The following ST3GAL6 variants were observed in gnomAD, a reference collection of about 807,000 sequenced individuals.
ST3GAL6 encodes the protein ST3 beta-galactoside alpha-2,3-sialyltransferase 6.
In ST3GAL6, 31 loss-of-function variants were observed where a neutral mutation model predicts 40.5. That is an observed-to-expected ratio of 0.77 (90% CI 0.58 to 1.03). ST3GAL6 has a LOEUF of 1.03. Ranked by LOEUF, ST3GAL6 falls within the 50% of genes least tolerant of loss-of-function variation. The pLI is 0.00. For synonymous variants in ST3GAL6, 129 were observed against 136.9 expected (o/e 0.94, Z 0.40); for missense variants, 357 against 393.2 (o/e 0.91, Z 0.78).
intron 1 of ST3GAL6, among the ~76,000 whole-genome samples, chr3:98,752,204 A>G (rs1937057935): frequency 6.6e-6 from 1 of 152,272 alleles, no homozygotes; most frequent in Admixed American, 6.5e-5. Flanking sequence ...GCAAAGAAGC[A>G]GTTAGAGCCA....
chr3:98,767,638 A>G (rs1218744561), intron 1 of ST3GAL6, among the ~76,000 whole-genome samples: 1 of 152,260 alleles, frequency 6.6e-6, no homozygotes, highest in East Asian at 1.9e-4. Context: ...TTAATTACAT[A>G]AGACAATGGA....
intron 1 of ST3GAL6, among the ~76,000 whole-genome samples, chr3:98,736,123 T>A (rs1935524141): frequency 6.6e-6 from 1 of 152,220 alleles, no homozygotes; most frequent in Non-Finnish European, 1.5e-5. Context: ...TTTACCTTTT[T>A]ACTGCCACAA....
chr3:98,732,839 G>C (rs915456040), intron 1 of ST3GAL6: 48 of 1,503,712 alleles, frequency 3.2e-5, no homozygotes, highest in Non-Finnish European at 3.7e-5. Context: ...TTTGGTTTCT[G>C]CCGGCCTCGG....
chr3:98,736,210 G>A (rs1216266859), intron 1 of ST3GAL6, among the ~76,000 whole-genome samples: 1 of 152,122 alleles, frequency 6.6e-6, no homozygotes, highest in Non-Finnish European at 1.5e-5. Flanking sequence ...TAGCCCTTAG[G>A]AGATTTTCTT....
At position 98,764,349 on chromosome 3, in the gene ST3GAL6, C is replaced by T. The variant is rs573899349; in HGVS notation, c.-12+910C>T. ...CTGACATTTTTTTCAAGTGTTTCTC[C>T]GTAGAGTTTGTTTTTATAAACAATG... On this transcript the variant is annotated intron_variant, in intron 1 of 9. Coordinates refer to ENST00000483910, the MANE Select transcript of ST3GAL6 (RefSeq NM_001323368.2). Among the ~76,000 whole-genome samples, 113 of 151,828 alleles carry T rather than the reference C, an allele frequency of 7.4e-4. 1 individual carries two copies. The South Asian group carries it at 0.021, about 29-fold the overall frequency.
upstream of ST3GAL6, among the ~76,000 whole-genome samples, chr3:98,760,017 G>T (rs1264477984): frequency 6.6e-6 from 1 of 152,164 alleles, no homozygotes; most frequent in Non-Finnish European, 1.5e-5. Context: ...CCCTAGAGTG[G>T]TGAGGGAAAT....
intron 5 of ST3GAL6, chr3:98,782,543 C>T (rs1940237316): frequency 1.1e-5 from 6 of 567,044 alleles, no homozygotes; most frequent in African/African-American, 3.8e-5. Flanking sequence ...GAAGTGCCTA[C>T]AATCCAAGTA....
At chr3:98,780,511 C>T (rs1043604278) in intron 5 of ST3GAL6, among the ~76,000 whole-genome samples, 1 of 152,118 alleles carries the variant, frequency 6.6e-6, no homozygotes, top group Non-Finnish European at 1.5e-5. Flanking sequence ...AATATGGTGA[C>T]GTAGAGCTGC....
At chr3:98,760,900 C>T (rs749458837), upstream of ST3GAL6, among the ~76,000 whole-genome samples, 50 of 152,132 alleles carry the variant, frequency 3.3e-4, no homozygotes, top group African/African-American at 1.0e-3. Context: ...AAGGAATGAA[C>T]TCCTGGTACA....
chr3:98,748,402 C>A (rs537019292), intron 1 of ST3GAL6, among the ~76,000 whole-genome samples: 1 of 152,240 alleles, frequency 6.6e-6, no homozygotes, highest in East Asian at 1.9e-4. Flanking sequence ...TGAGTTTGTG[C>A]CTGTGAAACC....
intron 9 of ST3GAL6, among the ~76,000 whole-genome samples, chr3:98,792,506 G>A (rs899901323): frequency 3.4e-5 from 5 of 146,960 alleles, no homozygotes; most frequent in African/African-American, 1.3e-4. Context: ...AACAATTTTA[G>A]TTTAAATTTT....
At position 98,791,868 on chromosome 3, in the gene ST3GAL6, A is replaced by C; in HGVS notation, c.784A>C (p.Ile262Leu). The change falls in exon 9 of 10, where the codon ATT (isoleucine) becomes CTT (leucine). Residue 262 changes from isoleucine (I) to leucine (L), a missense_variant. Ile to Leu is a conservative substitution (Grantham distance 5, BLOSUM62 2). Transcript: ENST00000483910. ...ACCTAAACACCCAACAACAGGAATTATTGCCATCACATTGGCGTTTTACAT... is the reference window on the plus strand; with the variant it reads ...ACCTAAACACCCAACAACAGGAATTCTTGCCATCACATTGGCGTTTTACAT... Reference protein sequence around the residue: ...QKPKHPTTGIIAITLAFYICH... With the variant: ...QKPKHPTTGILAITLAFYICH... The C allele has an allele frequency of 6.2e-7, 1 of 1,613,530 alleles. No individual in the cohort carries two copies. The highest frequency in any genetic ancestry group is 8.5e-7 in the Non-Finnish European group (1 of 1,179,740).
intron 5 of ST3GAL6, chr3:98,783,510 C>G: frequency 1.0e-6 from 1 of 960,458 alleles, no homozygotes; most frequent in Non-Finnish European, 1.2e-6. Flanking sequence ...CACATTTGAA[C>G]CAAATCAAAT....
At chr3:98,750,097 T>C (rs1476412410) in intron 1 of ST3GAL6, among the ~76,000 whole-genome samples, 1 of 152,204 alleles carries the variant, frequency 6.6e-6, no homozygotes, top group African/African-American at 2.4e-5. Flanking sequence ...CTGGAAAAAT[T>C]ACTTTAGAGC....
chr3:98,793,723 A>G lies in ST3GAL6; in HGVS notation c.958A>G (p.Ile320Val). ...TAEQLFLKDI[I>V]EKNLVINLTQ... is the part of the protein sequence containing the mutation. ...AGAGCAGCTCTTTTTGAAGGACATT[A>G]TAGAAAAAAACCTCGTAATCAACTT... The change falls in exon 10 of 10, where the codon ATA becomes GTA. Residue 320 changes from isoleucine to valine, a missense_variant. Coordinates refer to ENST00000483910, the MANE Select transcript of ST3GAL6 (RefSeq NM_001323368.2). 6.2e-7 allele frequency: 1 copy of G among 1,603,424 alleles called. No individual in the cohort carries two copies. The highest frequency in any genetic ancestry group is 1.7e-4 in the Middle Eastern group (1 of 6,028).
intron 1 of ST3GAL6, among the ~76,000 whole-genome samples, chr3:98,734,615 T>C (rs1935368157): frequency 6.6e-6 from 1 of 152,198 alleles, no homozygotes; most frequent in South Asian, 2.1e-4. Context: ...TGCAGTAAAA[T>C]GGGACTGCAA....
At chr3:98,744,188 G>A (rs910342121) in intron 1 of ST3GAL6, among the ~76,000 whole-genome samples, 7 of 152,192 alleles carry the variant, frequency 4.6e-5, no homozygotes, top group Admixed American at 1.3e-4. Flanking sequence ...CCTCTCTACA[G>A]TTTTCAGAGG....
At chr3:98,734,848 C>T (rs1033570149) in intron 1 of ST3GAL6, among the ~76,000 whole-genome samples, 2 of 152,172 alleles carry the variant, frequency 1.3e-5, no homozygotes. Flanking sequence ...CAGTTTTCTT[C>T]TGTTGGAGAC....
upstream of ST3GAL6, among the ~76,000 whole-genome samples, chr3:98,762,504 G>C (rs1016958563): frequency 2.0e-5 from 3 of 151,828 alleles, no homozygotes; most frequent in Non-Finnish European, 2.9e-5. Flanking sequence ...TTTAATTATG[G>C]TCTATTGAGA....
Sources: gnomAD v4.1 joint callset for allele counts (sites outside exome capture counted in the v4.1 genomes callset) on GRCh38, gnomAD v4.1.1 for gene constraint, MANE v1.5 for transcripts, NCBI Gene and HGNC (gene_info 2026-07-23, HGNC 2026-07-21) for gene names.